The following ENOX1 variants were observed in gnomAD, a reference collection of about 807,000 sequenced individuals.
ENOX1 encodes the protein candidate growth-related and time keeping constitutive hydroquinone (NADH) oxidase.
Under a neutral mutation model 82.5 loss-of-function variants are expected in ENOX1, and 42 were observed. The ratio of observed to expected loss-of-function variants is 0.51; its 90% CI spans 0.40 to 0.66. The LOEUF is 0.66. ENOX1 is among the 30% of genes least tolerant of loss of function. ENOX1 has a pLI of 0.00. For missense variants in ENOX1, 608 were observed against 811.6 expected, an observed-to-expected ratio of 0.75 and a Z score of 3.05; for synonymous variants, 271 against 282.2, an observed-to-expected ratio of 0.96 and a Z score of 0.40.
intron 16 of ENOX1, among the ~76,000 whole-genome samples, chr13:43,223,438 CA>C (rs1258650943): frequency 6.6e-6 from 1 of 152,208 alleles, no homozygotes; most frequent in African/African-American, 2.4e-5. Context: ...TATGGGTACA[CA>C]AATACTGCGG....
In ENOX1 at chr13:43,285,052, A is replaced by C. The variant is rs368848516; in HGVS notation, c.1446+13294T>G. Among the ~76,000 whole-genome samples the C allele has an allele frequency of 2.0e-5, 3 of 152,328 alleles. No individual in the cohort carries two copies. The East Asian group carries it at 5.8e-4, about 29-fold the overall frequency. On this transcript the variant is annotated intron_variant, in intron 12 of 16. Coordinates refer to ENST00000690772, the MANE Select transcript of ENOX1 (RefSeq NM_001347969.2). ...TTGACCATGCAGGGTGTATTCACTG[A>C]TCAATTGAGTGAGATGGGTGGTCTG...
intron 11 of ENOX1, among the ~76,000 whole-genome samples, chr13:43,307,325 T>C (rs185975867): frequency 2.6e-3 from 399 of 152,332 alleles, no homozygotes; most frequent in Non-Finnish European, 4.7e-3. Context: ...TCTGTACCAC[T>C]TTGGTATCTC....
At chr13:43,620,930 G>C (rs2082700078) in intron 2 of ENOX1, among the ~76,000 whole-genome samples, 1 of 152,150 alleles carries the variant, frequency 6.6e-6, no homozygotes, top group South Asian at 2.1e-4. Context: ...GGGAGCTCCA[G>C]TGTTAGGTGC....
intron 12 of ENOX1, among the ~76,000 whole-genome samples, chr13:43,293,256 C>T (rs910535694): frequency 3.3e-5 from 5 of 152,124 alleles, no homozygotes; most frequent in African/African-American, 1.2e-4. Flanking sequence ...CCGTCACTAC[C>T]ACAGTCACCA....
chr13:43,762,433 A>G (rs997037374), intron 1 of ENOX1, among the ~76,000 whole-genome samples: 36 of 152,190 alleles, frequency 2.4e-4, no homozygotes, highest in African/African-American at 8.2e-4. Flanking sequence ...TTTCTTATCA[A>G]TTTTCTCACA....
intron 2 of ENOX1, among the ~76,000 whole-genome samples, chr13:43,541,173 G>GTTTTTTCTTTTTTTTTTTTTTTTTTT (rs2078697495): frequency 1.5e-5 from 1 of 64,572 alleles, no homozygotes; most frequent in Admixed American, 1.7e-4. Context: ...TCTTCCCTCT[G>GTTTTTTCTTTTTTTTTTTTTTTTTTT]TTTTTTTTTT....
chr13:43,262,331 C>T (rs1484529037), intron 14 of ENOX1, among the ~76,000 whole-genome samples: 1 of 152,126 alleles, frequency 6.6e-6, no homozygotes, highest in Non-Finnish European at 1.5e-5. Context: ...CACAAGAACA[C>T]CCAGCTAAGT....
chr13:43,780,588 C>G (rs1438529174), intron 1 of ENOX1, among the ~76,000 whole-genome samples: 1 of 152,206 alleles, frequency 6.6e-6, no homozygotes, highest in African/African-American at 2.4e-5. Context: ...GAAAGACTAC[C>G]TATCCTGTGA....
At chr13:43,271,639 C>T (rs1044417923) in intron 12 of ENOX1, among the ~76,000 whole-genome samples, 2 of 151,610 alleles carry the variant, frequency 1.3e-5, no homozygotes, top group African/African-American at 4.8e-5. Context: ...ATTGCATCCG[C>T]ACACTTACAA....
chr13:43,353,264 G>T (rs1475746408), intron 8 of ENOX1, among the ~76,000 whole-genome samples: 2 of 152,228 alleles, frequency 1.3e-5, no homozygotes, highest in African/African-American at 4.8e-5. Flanking sequence ...GCATTGGACA[G>T]GACATGGAGA....
chr13:43,575,326 A>G (rs1481193239), intron 2 of ENOX1, among the ~76,000 whole-genome samples: 3 of 152,220 alleles, frequency 2.0e-5, no homozygotes, highest in African/African-American at 7.2e-5. Context: ...CTGCTTCCCA[A>G]GTGAGACTTG....
intron 5 of ENOX1, among the ~76,000 whole-genome samples, chr13:43,399,037 A>G (rs550174850): frequency 1.3e-5 from 2 of 150,976 alleles, no homozygotes; most frequent in African/African-American, 4.9e-5. Context: ...CAAGCAATCC[A>G]CCTGTCTCGG....
chr13:43,499,392 TTTGG>T (rs1167881453), intron 2 of ENOX1, among the ~76,000 whole-genome samples: 1 of 152,120 alleles, frequency 6.6e-6, no homozygotes, highest in Non-Finnish European at 1.5e-5. Context: ...TGGAAACATC[TTTGG>T]TAACAGCTAT....
At chr13:43,675,371 C>T (rs901230171) in intron 1 of ENOX1, among the ~76,000 whole-genome samples, 3 of 152,108 alleles carry the variant, frequency 2.0e-5, no homozygotes, top group African/African-American at 7.2e-5. Context: ...CTACAAAGAC[C>T]ACACAAAGTG....
chr13:43,638,412 T>C (rs1311517489), intron 2 of ENOX1, among the ~76,000 whole-genome samples: 1 of 152,102 alleles, frequency 6.6e-6, no homozygotes, highest in Non-Finnish European at 1.5e-5. Context: ...GGGTTTTTTT[T>C]TTTCCGAAAA....
intron 11 of ENOX1, among the ~76,000 whole-genome samples, chr13:43,301,825 A>G (rs1384457525): frequency 6.6e-6 from 1 of 152,176 alleles, no homozygotes; most frequent in Non-Finnish European, 1.5e-5. Context: ...CCCTGAATCT[A>G]TTCCTCAGAC....
intron 3 of ENOX1, among the ~76,000 whole-genome samples, chr13:43,434,937 G>GTTTTTTTTTTTTTTTTTTTTTTTTTT (rs537775258): frequency 2.6e-5 from 2 of 75,910 alleles, no homozygotes; most frequent in Non-Finnish European, 2.5e-5. Context: ...TGTGTGTGTG[G>GTTTTTTTTTTTTTTTTTTTTTTTTTT]TTTTTTTTTT....
At chr13:43,292,324 T>C (rs2046044299) in intron 12 of ENOX1, among the ~76,000 whole-genome samples, 1 of 152,048 alleles carries the variant, frequency 6.6e-6, no homozygotes, top group African/African-American at 2.4e-5. Context: ...ATTGGAAGGA[T>C]CAAAGATAAA....
intron 3 of ENOX1, among the ~76,000 whole-genome samples, chr13:43,456,241 G>A (rs964871531): frequency 6.6e-6 from 1 of 151,650 alleles, no homozygotes; most frequent in Non-Finnish European, 1.5e-5. Flanking sequence ...CCCTTTCTCT[G>A]TTTTGATCTC....
Sources: allele counts gnomAD v4.1 joint callset (sites outside exome capture counted in the v4.1 genomes callset), GRCh38; gene constraint gnomAD v4.1.1; transcripts MANE v1.5; gene names NCBI Gene and HGNC (gene_info 2026-07-23, HGNC 2026-07-21).